The following DAB1 variants were observed in gnomAD, a reference collection of about 807,000 sequenced individuals.
The protein encoded by DAB1 is disabled homolog 1.
DAB1 carries 15 observed loss-of-function variants against 64.6 expected under a neutral mutation model. That is an observed-to-expected ratio of 0.23 (90% confidence interval 0.16 to 0.36). The LOEUF is 0.36. Among genes scored for constraint, DAB1 ranks in the 10% least tolerant of loss-of-function variants. The pLI is 1.00. For synonymous variants in DAB1, 235 were observed against 251.9 expected, an observed-to-expected ratio of 0.93 and a Z score of 0.64; for missense variants, 596 against 706.7, an observed-to-expected ratio of 0.84 and a Z score of 1.78.
intron 5 of DAB1, among the ~76,000 whole-genome samples, chr1:57,935,560 C>T (rs1470533575): frequency 6.6e-6 from 1 of 152,130 alleles, no homozygotes; most frequent in East Asian, 1.9e-4. Flanking sequence ...TTATTCAATG[C>T]CAACCTAATT....
At chr1:57,415,151 G>A (rs569494542) in intron 1 of DAB1, among the ~76,000 whole-genome samples, 1 of 152,004 alleles carries the variant, frequency 6.6e-6, no homozygotes, top group Admixed American at 6.6e-5. Flanking sequence ...TAGGGCAAAA[G>A]AGTGGCTAAA....
intron 4 of DAB1, among the ~76,000 whole-genome samples, chr1:58,311,294 C>G (rs1290577829): frequency 6.6e-6 from 1 of 152,164 alleles, no homozygotes; most frequent in Non-Finnish European, 1.5e-5. Flanking sequence ...ATCATGAAGT[C>G]TCTCTCCCCT....
In DAB1 at chr1:57,494,714, C is replaced by T. The variant is rs2793646; in HGVS notation, n.625+154878G>A. Among the ~76,000 whole-genome samples, 1,213 of 152,272 alleles carry T rather than the reference C, an allele frequency of 8.0e-3. 20 individuals are homozygous for T. Among genetic ancestry groups the T allele is most frequent in the African/African-American group, 0.024 (1,008 of 41,562 alleles). ...GAGTTCCCAGAGAAATTCATTACTGCCACTCACTCTGGTTTCTCGTCTCAA... is the reference window on the plus strand; with the variant it reads ...GAGTTCCCAGAGAAATTCATTACTGTCACTCACTCTGGTTTCTCGTCTCAA... On this transcript the variant is annotated intron_variant and non_coding_transcript_variant, in intron 7 of 20. Coordinates refer to the DAB1 transcript ENST00000485760.
intron 5 of DAB1, among the ~76,000 whole-genome samples, chr1:58,131,719 G>A (rs1653594525): frequency 6.9e-6 from 1 of 145,102 alleles, no homozygotes; most frequent in Non-Finnish European, 1.5e-5. Context: ...ACCCTGCCGT[G>A]TGAGGTGTCA....
chr1:57,747,799 A>C (rs1570791688), intron 6 of DAB1, among the ~76,000 whole-genome samples: 1 of 112,454 alleles, frequency 8.9e-6, no homozygotes, highest in African/African-American at 3.7e-5. Context: ...ACAGAGGAGG[A>C]CTCTGTCCAA....
intron 2 of DAB1, among the ~76,000 whole-genome samples, chr1:57,182,120 T>C (rs540985876): frequency 4.6e-5 from 7 of 152,188 alleles, no homozygotes; most frequent in Admixed American, 2.6e-4. Flanking sequence ...CTCCTGACCT[T>C]GTGATCTGCC....
At chr1:58,454,865 T>A (rs1645177995) in intron 3 of DAB1, among the ~76,000 whole-genome samples, 2 of 152,208 alleles carry the variant, frequency 1.3e-5, no homozygotes, top group Non-Finnish European at 2.9e-5. Flanking sequence ...TATTTATTTT[T>A]TCTGTAAAAC....
intron 3 of DAB1, among the ~76,000 whole-genome samples, chr1:58,403,312 C>T (rs1345808985): frequency 6.8e-6 from 1 of 146,802 alleles, no homozygotes; most frequent in Non-Finnish European, 1.5e-5. Flanking sequence ...AAAAAAAAAT[C>T]ACTAAAACAA....
At chr1:57,930,508 T>C (rs936222240) in intron 5 of DAB1, among the ~76,000 whole-genome samples, 1 of 152,228 alleles carries the variant, frequency 6.6e-6, no homozygotes, top group African/African-American at 2.4e-5. Context: ...TTCCTAGCCA[T>C]GAACATGAAG....
chr1:58,105,335 G>A (rs542285013), intron 5 of DAB1, among the ~76,000 whole-genome samples: 2 of 152,212 alleles, frequency 1.3e-5, no homozygotes, highest in Non-Finnish European at 2.9e-5. Context: ...CCCATTAGAA[G>A]GACCTTCCTT....
At chr1:58,083,776 G>A (rs1234763343) in intron 5 of DAB1, among the ~76,000 whole-genome samples, 3 of 152,144 alleles carry the variant, frequency 2.0e-5, no homozygotes, top group Non-Finnish European at 2.9e-5. Flanking sequence ...ATGATAGGTA[G>A]GAAAATTACG....
chr1:57,594,042 C>T (rs184616812), intron 7 of DAB1, among the ~76,000 whole-genome samples: 277 of 152,240 alleles, frequency 1.8e-3, no homozygotes, highest in Non-Finnish European at 2.9e-3. Context: ...GAATAGGTTC[C>T]CCTCAAGAAA....
intron 1 of DAB1, among the ~76,000 whole-genome samples, chr1:57,405,780 T>A (rs1570462605): frequency 6.6e-6 from 1 of 152,192 alleles, no homozygotes; most frequent in East Asian, 1.9e-4. Context: ...ACCTGAAGGA[T>A]CATTAAATTA....
chr1:57,978,585 C>T (rs916955125), intron 5 of DAB1, among the ~76,000 whole-genome samples: 2 of 152,042 alleles, frequency 1.3e-5, no homozygotes, highest in African/African-American at 4.8e-5. Flanking sequence ...TTAAACTAAA[C>T]GGCTTCTGCA....
At chr1:58,408,070 A>G (rs1185039196) in intron 3 of DAB1, among the ~76,000 whole-genome samples, 2 of 152,146 alleles carry the variant, frequency 1.3e-5, no homozygotes, top group Non-Finnish European at 2.9e-5. Context: ...GCATCGCCTG[A>G]AATCAGTTAG....
intron 7 of DAB1, among the ~76,000 whole-genome samples, chr1:57,567,664 A>C (rs979394084): frequency 6.6e-6 from 1 of 152,132 alleles, no homozygotes. Flanking sequence ...TCATGAGTGA[A>C]CTCCCATTCA....
intron 6 of DAB1, among the ~76,000 whole-genome samples, chr1:57,775,476 T>C (rs1323687281): frequency 6.6e-6 from 1 of 151,726 alleles, no homozygotes; most frequent in Non-Finnish European, 1.5e-5. Flanking sequence ...TTCATTGTAA[T>C]GCACTTTAGT....
At chr1:57,377,050 A>G (rs919500794) in intron 1 of DAB1, among the ~76,000 whole-genome samples, 1 of 152,296 alleles carries the variant, frequency 6.6e-6, no homozygotes, top group Admixed American at 6.5e-5. Flanking sequence ...TGGGCAGATC[A>G]CTTGAGTTCA....
chr1:58,322,647 G>T (rs1662714331), intron 4 of DAB1, among the ~76,000 whole-genome samples: 1 of 152,218 alleles, frequency 6.6e-6, no homozygotes, highest in Non-Finnish European at 1.5e-5. Context: ...TGTTGGGAGT[G>T]TAAACTAGTT....
Sources: gnomAD v4.1 joint callset for allele counts (sites outside exome capture counted in the v4.1 genomes callset) on GRCh38, gnomAD v4.1.1 for gene constraint, MANE v1.5 for transcripts, NCBI Gene and HGNC (gene_info 2026-07-23, HGNC 2026-07-21) for gene names.